Variants in SOX5 observed in about 807,000 individuals in gnomAD.
SOX5 encodes SRY-box transcription factor 5.
Under a neutral mutation model 92.0 loss-of-function variants are expected in SOX5, and 9 were observed. The ratio of observed to expected loss-of-function variants is 0.10; its 90% CI spans 0.06 to 0.17. The LOEUF (loss-of-function observed/expected upper bound fraction) is 0.17. Ranked by LOEUF, SOX5 falls within the 10% of genes least tolerant of loss-of-function variation. The pLI is 1.00. For missense variants in SOX5, 642 were observed against 944.5 expected, an observed-to-expected ratio of 0.68 and a Z score of 4.20; for synonymous variants, 344 against 336.3, an observed-to-expected ratio of 1.02 and a Z score of -0.25.
intron 4 of SOX5, among the ~76,000 whole-genome samples, chr12:23,969,342 G>A (rs1947956101): frequency 6.6e-6 from 1 of 151,010 alleles, no homozygotes; most frequent in Non-Finnish European, 1.5e-5. Context: ...TTCCCACACT[G>A]TACCGAGACC....
At chr12:24,339,140 T>TTCTC (rs56093303) in intron 2 of SOX5, among the ~76,000 whole-genome samples, 65 of 126,040 alleles carry the variant, frequency 5.2e-4, no homozygotes, top group Non-Finnish European at 6.1e-4. Flanking sequence ...CTGTCTCTGT[T>TTCTC]TCTCTCTCTC....
intron 3 of SOX5, among the ~76,000 whole-genome samples, chr12:23,764,751 T>C (rs1396122342): frequency 1.3e-5 from 2 of 152,056 alleles, no homozygotes; most frequent in Non-Finnish European, 2.9e-5. Flanking sequence ...ATGCAAAATG[T>C]ATAGAAATAG....
At chr12:24,045,217 C>T (rs868035265) in intron 4 of SOX5, among the ~76,000 whole-genome samples, 14 of 152,186 alleles carry the variant, frequency 9.2e-5, no homozygotes, top group Non-Finnish European at 1.2e-4. Context: ...AGTTACTTCA[C>T]CTCCCAGTGC....
At chr12:23,801,087 A>G (rs756651671) in intron 3 of SOX5, among the ~76,000 whole-genome samples, 90 of 152,196 alleles carry the variant, frequency 5.9e-4, no homozygotes, top group Non-Finnish European at 1.5e-4. Flanking sequence ...ATGAGAAGCC[A>G]TACTACGAAT....
intron 1 of SOX5, among the ~76,000 whole-genome samples, chr12:24,538,528 C>T (rs1394144698): frequency 6.6e-6 from 1 of 151,452 alleles, no homozygotes; most frequent in Non-Finnish European, 1.5e-5. Flanking sequence ...CCCAGGGTTT[C>T]AAGCAACAAA....
chr12:23,820,441 G>A (rs1292424208), intron 3 of SOX5, among the ~76,000 whole-genome samples: 1 of 152,084 alleles, frequency 6.6e-6, no homozygotes, highest in East Asian at 1.9e-4. Flanking sequence ...GATCCCATTT[G>A]TCAATTTTGG....
intron 2 of SOX5, among the ~76,000 whole-genome samples, chr12:23,894,805 G>C (rs1485593884): frequency 1.3e-5 from 2 of 152,114 alleles, no homozygotes; most frequent in Non-Finnish European, 2.9e-5. Context: ...AGCAGAATTA[G>C]AGCTGCCTTT....
intron 4 of SOX5, among the ~76,000 whole-genome samples, chr12:24,159,985 C>A (rs962061553): frequency 6.6e-6 from 1 of 151,754 alleles, no homozygotes; most frequent in South Asian, 2.1e-4. Context: ...AATTAAAGTT[C>A]AATACAAATA....
chr12:23,885,834 AC>A (rs1345072324), intron 2 of SOX5, among the ~76,000 whole-genome samples: 1 of 36,136 alleles, frequency 2.8e-5, no homozygotes, highest in Non-Finnish European at 5.1e-5. Context: ...CTAGTAAAAT[AC>A]AGGGGAAAAA....
intron 4 of SOX5, among the ~76,000 whole-genome samples, chr12:24,121,347 A>C (rs1300769046): frequency 6.6e-6 from 1 of 152,224 alleles, no homozygotes; most frequent in African/African-American, 2.4e-5. Flanking sequence ...CTAATTTGTT[A>C]TCACATGTCT....
At chr12:24,496,849 T>C (rs1312705114) in intron 1 of SOX5, among the ~76,000 whole-genome samples, 1 of 152,218 alleles carries the variant, frequency 6.6e-6, no homozygotes, top group Admixed American at 6.5e-5. Flanking sequence ...CTGAATTTAT[T>C]ACTTACACCT....
Position 24,436,700 on chromosome 12 carries a change from T to C in SOX5, c.-250-68061A>G, listed in dbSNP as rs80278066. Among the ~76,000 whole-genome samples the C allele has an allele frequency of 4.6e-3, 707 of 152,194 alleles. 11 individuals are homozygous for C. In the East Asian group the frequency reaches 0.051, roughly 11 times the overall value. ...GGCTACACTACAGAACACATTTTCA[T>C]TGTAGATAAAACAGCCTTATATTTG... On this transcript the variant is annotated intron_variant, in intron 1 of 4. Coordinates refer to the SOX5 transcript ENST00000446891.
At chr12:23,919,634 C>T (rs138994917) in intron 1 of SOX5, among the ~76,000 whole-genome samples, 75 of 152,250 alleles carry the variant, frequency 4.9e-4, no homozygotes, top group African/African-American at 1.8e-3. Context: ...CTCTACTTTA[C>T]GGCCAAGGAA....
intron 1 of SOX5, among the ~76,000 whole-genome samples, chr12:24,372,884 A>G (rs947096838): frequency 1.3e-5 from 2 of 149,740 alleles, no homozygotes; most frequent in Non-Finnish European, 3.0e-5. Flanking sequence ...TTGGGAGGCC[A>G]AGGTGGGTCG....
chr12:23,730,142 T>C (rs534373530), intron 6 of SOX5, among the ~76,000 whole-genome samples: 50 of 152,184 alleles, frequency 3.3e-4, no homozygotes, highest in African/African-American at 1.2e-3. Flanking sequence ...AACAGGTTGA[T>C]TTAATGTAAA....
At position 24,090,897 on chromosome 12, in the gene SOX5, A is replaced by G. The variant is rs141636308; in HGVS notation, c.-2+122446T>C. 7.7e-3 allele frequency among the ~76,000 whole-genome samples: 1,176 copies of G among 152,310 alleles called. 21 individuals are homozygous for G. The highest frequency in any genetic ancestry group is 0.027 in the African/African-American group (1,106 of 41,568). The stretch of plus-strand genomic sequence containing the variant: ...AGAGGGATGTCACAGAGCACCTGAC[A>G]ATCAAGACTGCTTTTTGTGTTTTCA... On this transcript the variant is annotated intron_variant, in intron 4 of 4. Transcript: ENST00000446891.
At chr12:23,870,709 A>G (rs1356436489) in intron 2 of SOX5, among the ~76,000 whole-genome samples, 2 of 152,164 alleles carry the variant, frequency 1.3e-5, no homozygotes, top group Admixed American at 6.5e-5. Context: ...TTTGCACATA[A>G]AAACAAATCT....
At chr12:23,996,960 T>C (rs182120649) in intron 4 of SOX5, among the ~76,000 whole-genome samples, 23 of 152,292 alleles carry the variant, frequency 1.5e-4, no homozygotes, top group Admixed American at 3.3e-4. Flanking sequence ...AAATGGCTAA[T>C]TTTTTGTCAT....
intron 6 of SOX5, among the ~76,000 whole-genome samples, chr12:23,710,429 C>A (rs1567142895): frequency 1.3e-5 from 2 of 152,116 alleles, no homozygotes; most frequent in Non-Finnish European, 2.9e-5. Flanking sequence ...TGTGATGTTC[C>A]CCTTCCTGTG....
Sources: allele counts gnomAD v4.1 joint callset (sites outside exome capture counted in the v4.1 genomes callset), GRCh38; gene constraint gnomAD v4.1.1; transcripts MANE v1.5; gene names NCBI Gene and HGNC (gene_info 2026-07-23, HGNC 2026-07-21).